The following CNTN5 variants were observed in gnomAD, a reference collection of about 807,000 sequenced individuals.
CNTN5 encodes contactin 5, also known as contactin-5.
CNTN5 carries 77 observed loss-of-function variants against 129.1 expected under a neutral mutation model. That is an observed-to-expected ratio of 0.60 (90% CI 0.50 to 0.72). CNTN5 has a LOEUF of 0.72. Among genes scored for constraint, CNTN5 ranks in the 30% least tolerant of loss-of-function variants. The pLI, the probability that CNTN5 is intolerant of heterozygous loss-of-function variation, is 0.00. For synonymous variants in CNTN5, 509 were observed against 465.6 expected, an observed-to-expected ratio of 1.09 and a Z score of -1.20; for missense variants, 1,478 against 1,328.8, an observed-to-expected ratio of 1.11 and a Z score of -1.75.
intron 1 of CNTN5, among the ~76,000 whole-genome samples, chr11:99,113,636 T>A (rs1857904561): frequency 6.6e-6 from 1 of 152,094 alleles, no homozygotes; most frequent in Non-Finnish European, 1.5e-5. Flanking sequence ...TCAGGGATGT[T>A]TACTTACCTG....
chr11:99,467,630 A>C (rs1944997635), intron 2 of CNTN5, among the ~76,000 whole-genome samples: 1 of 152,046 alleles, frequency 6.6e-6, no homozygotes, highest in Non-Finnish European at 1.5e-5. Flanking sequence ...ACATCCTTTT[A>C]CTAAAAAAGA....
intron 9 of CNTN5, among the ~76,000 whole-genome samples, chr11:100,010,147 C>T (rs1173019815): frequency 2.6e-5 from 4 of 152,212 alleles, no homozygotes; most frequent in African/African-American, 9.6e-5. Flanking sequence ...TATTTCATTT[C>T]AGTGGTTCTT....
chr11:99,313,394 A>G (rs1447164769), intron 1 of CNTN5, among the ~76,000 whole-genome samples: 1 of 152,030 alleles, frequency 6.6e-6, no homozygotes, highest in East Asian at 1.9e-4. Flanking sequence ...TGAATTTTTA[A>G]TTTTAAGAAC....
At chr11:99,247,169 A>G (rs1460001982) in intron 1 of CNTN5, among the ~76,000 whole-genome samples, 1 of 152,152 alleles carries the variant, frequency 6.6e-6, no homozygotes, top group Non-Finnish European at 1.5e-5. Context: ...ATTAGCATTG[A>G]CTATTACAAT....
chr11:99,451,587 A>T (rs984969810), intron 2 of CNTN5, among the ~76,000 whole-genome samples: 2 of 152,200 alleles, frequency 1.3e-5, no homozygotes, highest in African/African-American at 4.8e-5. Context: ...AATTATTTTT[A>T]TATGTTAGAA....
chr11:99,079,623 C>A (rs1206718423), intron 1 of CNTN5, among the ~76,000 whole-genome samples: 1 of 152,190 alleles, frequency 6.6e-6, no homozygotes, highest in Non-Finnish European at 1.5e-5. Flanking sequence ...TATGATGTAT[C>A]CAGTGCCTAC....
At chr11:99,809,980 T>A (rs1591228143) in intron 3 of CNTN5, among the ~76,000 whole-genome samples, 1 of 152,276 alleles carries the variant, frequency 6.6e-6, no homozygotes, top group Non-Finnish European at 1.5e-5. Context: ...CCTTTGCTAA[T>A]TTCCTCAGTG....
chr11:100,190,923 C>G (rs1489685735), intron 13 of CNTN5, among the ~76,000 whole-genome samples: 1 of 151,910 alleles, frequency 6.6e-6, no homozygotes, highest in Non-Finnish European at 1.5e-5. Context: ...ACTCCTTAAC[C>G]TTTTTGAATA....
chr11:99,281,671 T>C (rs888920484), intron 1 of CNTN5, among the ~76,000 whole-genome samples: 5 of 152,056 alleles, frequency 3.3e-5, no homozygotes, highest in Non-Finnish European at 7.4e-5. Context: ...CCTCTTCTTT[T>C]GCTGGGTTGT....
At chr11:99,230,228 T>C (rs1208626766) in intron 1 of CNTN5, among the ~76,000 whole-genome samples, 4 of 151,952 alleles carry the variant, frequency 2.6e-5, no homozygotes, top group Non-Finnish European at 4.4e-5. Flanking sequence ...CTCTGGCAGG[T>C]CCCCAGTCAT....
At chr11:100,244,357 C>G (rs1949801827) in intron 16 of CNTN5, among the ~76,000 whole-genome samples, 1 of 152,160 alleles carries the variant, frequency 6.6e-6, no homozygotes, top group Admixed American at 6.6e-5. Flanking sequence ...ACTCATCCCT[C>G]CAGCCTCAAT....
In CNTN5 at chr11:99,214,662, C is replaced by G. The variant is rs547266626; in HGVS notation, c.-209-110684C>G. On this transcript the variant is annotated intron_variant, in intron 1 of 24. Transcript: ENST00000524871. Reference sequence around the variant, plus strand: ...GCACTTCCCTAGTAATTTGATGGCTCTTAACCAATCTGGTGAAAACTTTTT... The same window carrying G: ...GCACTTCCCTAGTAATTTGATGGCTGTTAACCAATCTGGTGAAAACTTTTT... 1.1e-3 allele frequency among the ~76,000 whole-genome samples: 174 copies of G among 152,070 alleles called. 2 individuals are homozygous for G. Among genetic ancestry groups the G allele is most frequent in the Middle Eastern group, 3.4e-3 (1 of 294 alleles).
At chr11:99,811,799 T>G (rs1145393) in intron 3 of CNTN5, among the ~76,000 whole-genome samples, 61,798 of 151,750 alleles carry the variant, frequency 0.41, 13,057 homozygotes, top group African/African-American at 0.53. Context: ...TCTGGGCCAC[T>G]TTAGAAATAA....
At chr11:99,988,505 G>A (rs1004875938) in intron 8 of CNTN5, among the ~76,000 whole-genome samples, 3 of 152,224 alleles carry the variant, frequency 2.0e-5, no homozygotes, top group African/African-American at 7.2e-5. Flanking sequence ...AGTAATGTGA[G>A]TGAGTGTTCT....
chr11:99,973,935 T>G (rs1045683936), intron 8 of CNTN5, among the ~76,000 whole-genome samples: 1 of 152,228 alleles, frequency 6.6e-6, no homozygotes, highest in African/African-American at 2.4e-5. Context: ...ATGAGTGTTG[T>G]GTCTTCAAAG....
chr11:100,178,387 T>C (rs960288336), intron 13 of CNTN5, among the ~76,000 whole-genome samples: 1 of 152,182 alleles, frequency 6.6e-6, no homozygotes, highest in African/African-American at 2.4e-5. Context: ...CTTTCAAATC[T>C]GTATCAAATC....
chr11:99,263,342 A>G (rs902997629), intron 1 of CNTN5, among the ~76,000 whole-genome samples: 2 of 152,110 alleles, frequency 1.3e-5, no homozygotes, highest in South Asian at 4.1e-4. Context: ...GTGCATGTCA[A>G]TTGAGCTTTA....
chr11:99,826,161 C>A (rs1057210168), intron 4 of CNTN5, among the ~76,000 whole-genome samples: 5 of 151,816 alleles, frequency 3.3e-5, no homozygotes, highest in Admixed American at 3.3e-4. Context: ...CTTTTTTTTG[C>A]AATATAGAAT....
At chr11:99,183,538 G>A (rs34988806) in intron 1 of CNTN5, among the ~76,000 whole-genome samples, 8,362 of 151,998 alleles carry the variant, frequency 0.055, 307 homozygotes, top group Non-Finnish European at 0.083. Flanking sequence ...TAGTTTCATG[G>A]TATTTGTTTC....
Sources: allele counts gnomAD v4.1 joint callset (sites outside exome capture counted in the v4.1 genomes callset), GRCh38; gene constraint gnomAD v4.1.1; transcripts MANE v1.5; gene names NCBI Gene and HGNC (gene_info 2026-07-23, HGNC 2026-07-21).